WDR11: variants seen among roughly 807,000 people sequenced by gnomAD.
WDR11 encodes the protein WD repeat-containing protein 11.
A neutral mutation model predicts 151.2 loss-of-function variants in WDR11; 83 were observed. The observed-to-expected ratio is 0.55, with a 90% CI of 0.46 to 0.66. WDR11 has a LOEUF of 0.66. WDR11 is among the 30% of genes least tolerant of loss of function. WDR11 has a pLI of 0.00. For synonymous variants in WDR11, 484 were observed against 533.1 expected (o/e 0.91, Z 1.27); for missense variants, 1,301 against 1,480.9 (o/e 0.88, Z 1.99).
At chr10:120,906,283 C>T (rs1225783002) in intron 27 of WDR11, 7 of 1,340,746 alleles carry the variant, frequency 5.2e-6, no homozygotes, top group African/African-American at 1.5e-5. Context: ...TAAAAGTCTT[C>T]AGAGAATTGG....
intron 24 of WDR11, 119 bp from the exon 25 acceptor site, chr10:120,904,527 A>G (rs1227237891): frequency 4.7e-6 from 6 of 1,263,796 alleles, no homozygotes; most frequent in Non-Finnish European, 6.8e-6. Context: ...TGTAAACAAA[A>G]TATTCAATTG....
chr10:120,851,812 G>C (rs76217243), intron 1 of WDR11: 5 of 494,380 alleles, frequency 1.0e-5, no homozygotes, highest in South Asian at 2.1e-5. Flanking sequence ...CAGCTTCCAG[G>C]CTTCTCTCTC....
chr10:120,883,935 A>C lies in WDR11; in HGVS notation c.1848+47A>C, dbSNP rs7068836. On this transcript the variant is annotated intron_variant, in intron 14 of 28. Coordinates refer to ENST00000263461, the MANE Select transcript of WDR11 (RefSeq NM_018117.12). The stretch of plus-strand genomic sequence containing the variant: ...TAATAGCTTATTTAGGTATATATGT[A>C]TGTGGTGAATGTTTTGCTTAAGCTT... The C allele has an allele frequency of 0.012, 17,988 of 1,470,590 alleles. 1,691 individuals are homozygous for C. In the African/African-American group the frequency reaches 0.21, roughly 18 times the overall value. The allele number at this position is 1,470,590 out of a possible 1,614,324, so 91.1% of individuals were successfully genotyped here.
At chr10:120,866,183 A>G (rs1846305901) in intron 7 of WDR11, among the ~76,000 whole-genome samples, 1 of 152,162 alleles carries the variant, frequency 6.6e-6, no homozygotes, top group Non-Finnish European at 1.5e-5. Flanking sequence ...GAAATTATAT[A>G]CTGTGTAAAG....
At chr10:120,883,932 T>G in intron 14 of WDR11, 44 bp downstream of exon 14, 2 of 1,489,556 alleles carry the variant, frequency 1.3e-6, no homozygotes, top group Non-Finnish European at 1.9e-6. Flanking sequence ...TAGGTATATA[T>G]GTATGTGGTG....
At chr10:120,874,898 T>G (rs189689771) in intron 11 of WDR11, among the ~76,000 whole-genome samples, 27 of 152,168 alleles carry the variant, frequency 1.8e-4, no homozygotes, top group Non-Finnish European at 3.5e-4. Flanking sequence ...GCTGCACCTG[T>G]CAACCCGTCA....
At position 120,871,341 on chromosome 10, in the gene WDR11, C is replaced by G; in HGVS notation, c.1466C>G (p.Ala489Gly). The G allele has an allele frequency of 6.2e-7, 1 of 1,613,796 alleles. No individual in the cohort carries two copies. The highest frequency in any genetic ancestry group is 8.5e-7 in the Non-Finnish European group (1 of 1,179,892). The change falls in exon 10 of 29, where the codon GCT (alanine) becomes GGT (glycine). Residue 489 changes from alanine to glycine, a missense_variant. This residue lies in a region of WDR11 where 692 missense variants were observed against 762.5 expected (regional missense o/e 0.91). Coordinates refer to ENST00000263461, the MANE Select transcript of WDR11 (RefSeq NM_018117.12). The part of the protein sequence containing the change: ...KNIKMYQPLL[A>G]VGTSNGSVLV... The stretch of plus-strand genomic sequence containing the variant: ...ATCAAGATGTATCAGCCACTGCTGG[C>G]TGTTGGTGAGTATTTGACCTGGTCT...
At chr10:120,855,911 A>G (rs1222808594) in intron 2 of WDR11, among the ~76,000 whole-genome samples, 2 of 152,136 alleles carry the variant, frequency 1.3e-5, no homozygotes, top group African/African-American at 2.4e-5. Context: ...TAGTGAGAGG[A>G]TACTCTTGTC....
intron 2 of WDR11, among the ~76,000 whole-genome samples, chr10:120,857,139 G>A (rs1407291258): frequency 1.3e-5 from 2 of 151,894 alleles, no homozygotes; most frequent in Admixed American, 6.6e-5. Flanking sequence ...ACTTAGAAAC[G>A]GTAGGCAGTA....
chr10:120,886,727 A>G lies in WDR11; in HGVS notation c.2012A>G (p.Gln671Arg). Residue 671 changes from glutamine (Q) to arginine (R), a missense_variant, in exon 16 of 29, where the codon CAG becomes CGG. Physicochemically the swap from Gln to Arg is conservative, Grantham distance 43. Coordinates refer to ENST00000263461, the MANE Select transcript of WDR11 (RefSeq NM_018117.12). ...QEAESKSELS[Q>R]NISAREHFVF... ...GCAGAAAGTAAATCTGAACTTAGTCAGAACATCTCTGCCCGGGAACATTTT... is the reference window on the plus strand; with the variant it reads ...GCAGAAAGTAAATCTGAACTTAGTCGGAACATCTCTGCCCGGGAACATTTT... 6.2e-7 allele frequency: 1 copy of G among 1,614,086 alleles called. No homozygotes were observed. Among genetic ancestry groups the G allele is most frequent in the Non-Finnish European group, 8.5e-7 (1 of 1,179,978 alleles).
At chr10:120,854,053 A>G (rs1202984778) in intron 2 of WDR11, among the ~76,000 whole-genome samples, 3 of 152,216 alleles carry the variant, frequency 2.0e-5, no homozygotes, top group Non-Finnish European at 4.4e-5. Flanking sequence ...TACTCATACC[A>G]TAAAATGTAC....
chr10:120,874,842 G>A (rs1193718324), intron 11 of WDR11, among the ~76,000 whole-genome samples: 1 of 150,788 alleles, frequency 6.6e-6, no homozygotes, highest in Non-Finnish European at 1.5e-5. Context: ...TACATGTGCA[G>A]AATGTGCAGG....
In WDR11 at chr10:120,906,829, G is replaced by A; in HGVS notation, c.3491G>A (p.Gly1164Glu). ...ALFVEACLKYGAFEVTEDTEK... is the reference protein window; with the variant it reads ...ALFVEACLKYEAFEVTEDTEK... ...TTTGTGGAAGCTTGCCTCAAGTATGGAGCATTTGAAGTCACTGAGGACACA... is the reference window on the plus strand; with the variant it reads ...TTTGTGGAAGCTTGCCTCAAGTATGAAGCATTTGAAGTCACTGAGGACACA... Residue 1164 changes from glycine to glutamate, a missense_variant, in exon 28 of 29, where the codon GGA becomes GAA. Physicochemically the swap from Gly to Glu is moderately conservative, Grantham distance 98. This residue lies in a region of WDR11 where 589 missense variants were observed against 670.6 expected (regional missense o/e 0.88). Coordinates refer to ENST00000263461, the MANE Select transcript of WDR11 (RefSeq NM_018117.12). 1 of 1,614,208 alleles carries A rather than the reference G, an allele frequency of 6.2e-7. No homozygotes were observed.
intron 11 of WDR11, among the ~76,000 whole-genome samples, chr10:120,877,858 T>C (rs1846852190): frequency 6.6e-6 from 1 of 152,232 alleles, no homozygotes; most frequent in South Asian, 2.1e-4. Context: ...TGTGTGTTTT[T>C]AAAACCATGA....
In WDR11 at chr10:120,906,013, G is replaced by T; in HGVS notation, c.3429G>T (p.Thr1143=). The T allele has an allele frequency of 6.2e-7, 1 of 1,613,682 alleles. No individual in the cohort carries two copies. The change falls in exon 27 of 29, where the codon ACG becomes ACT. Residue 1143 remains threonine, a synonymous_variant. Coordinates refer to ENST00000263461, the MANE Select transcript of WDR11 (RefSeq NM_018117.12). ...SLGCFFSVAE[T]LHSMRYFDRA... is the part of the protein sequence containing the mutation. Reference sequence around the variant, plus strand: ...GCTGCTTTTTTAGCGTGGCAGAGACGCTTCACAGGTAAACCGAGAGTTCAC... The same window carrying T: ...GCTGCTTTTTTAGCGTGGCAGAGACTCTTCACAGGTAAACCGAGAGTTCAC...
chr10:120,890,446 T>C (rs191886189), intron 18 of WDR11, among the ~76,000 whole-genome samples: 73 of 152,306 alleles, frequency 4.8e-4, no homozygotes, highest in Non-Finnish European at 8.8e-4. Flanking sequence ...ACTCCTGACC[T>C]GAGGTGATCT....
chr10:120,872,422 G>C (rs1445340398), intron 10 of WDR11, among the ~76,000 whole-genome samples: 3 of 152,136 alleles, frequency 2.0e-5, no homozygotes, highest in Non-Finnish European at 4.4e-5. Flanking sequence ...TTGTCAGTTA[G>C]GATTTTGTCA....
In WDR11 at chr10:120,909,403, G is replaced by GTACTT. The variant is rs1052609683; in HGVS notation, c.*693_*697dup. The GTACTT allele has an allele frequency of 7.9e-5, 12 of 152,758 alleles. No individual in the cohort carries two copies. Among genetic ancestry groups the GTACTT allele is most frequent in the Admixed American group, 3.9e-4 (6 of 15,302 alleles). The allele number at this position is 152,758 out of a possible 1,614,324, so 9.5% of individuals were successfully genotyped here. On this transcript the variant is annotated 3_prime_UTR_variant, in exon 29 of 29. Coordinates refer to ENST00000263461, the MANE Select transcript of WDR11 (RefSeq NM_018117.12). ...AACCTCATTTTTGAAGTCTTTCTTT[G>GTACTT]TACTTTAATGTTCTCTCTGTTCTAA...
At chr10:120,883,589 A>G (rs912489185) in intron 13 of WDR11, among the ~76,000 whole-genome samples, 191 bp from the exon 14 acceptor site, 1 of 152,134 alleles carries the variant, frequency 6.6e-6, no homozygotes, top group Non-Finnish European at 1.5e-5. Flanking sequence ...GTGAGACTGT[A>G]TGTTCTCTTA....
Sources: gnomAD v4.1 joint callset for allele counts (sites outside exome capture counted in the v4.1 genomes callset) on GRCh38, gnomAD v4.1.1 for gene constraint, gnomAD v4.1.1 regional missense constraint, MANE v1.5 for transcripts, NCBI Gene and HGNC (gene_info 2026-07-23, HGNC 2026-07-21) for gene names.